Variants in PLTP observed in about 807,000 individuals in gnomAD.
PLTP encodes BPI fold containing family E.
In PLTP, 43 loss-of-function variants were observed where a neutral mutation model predicts 54.1. That is an observed-to-expected ratio of 0.79 (90% confidence interval 0.62 to 1.02). The LOEUF is 1.02. Ranked by LOEUF, PLTP falls within the 50% of genes least tolerant of loss-of-function variation. The probability of loss-of-function intolerance (pLI) is 0.00; values close to 1 mark genes in which losing one functional copy is unlikely to be tolerated. For missense variants in PLTP, 604 were observed against 645.9 expected, an observed-to-expected ratio of 0.94 and a Z score of 0.70; for synonymous variants, 263 against 264.6, an observed-to-expected ratio of 0.99 and a Z score of 0.06.
At chr20:45,899,807 G>GGGGCCCCC in intron 13 of PLTP, 29 bp downstream of exon 13, 24 of 1,369,450 alleles carry the variant, frequency 1.8e-5, no homozygotes, top group Non-Finnish European at 2.2e-5. Flanking sequence ...CACGAACCCA[G>GGGGCCCCC]CCCAGCCCAC....
Position 45,909,659 on chromosome 20 carries a change from G to GC in PLTP, c.341dup (p.Tyr115LeufsTer7), listed in dbSNP as rs771611721. The GC allele has an allele frequency of 6.2e-7, 1 of 1,614,158 alleles. No homozygotes were observed. Among genetic ancestry groups the GC allele is most frequent in the Non-Finnish European group, 8.5e-7 (1 of 1,180,028 alleles). On this transcript the variant is annotated frameshift_variant, in exon 5 of 16. Coordinates refer to ENST00000372431, the MANE Select transcript of PLTP (RefSeq NM_006227.4). LOFTEE classifies it high-confidence loss of function. ...CACCCTCAGCTGAGGCGTTGATGTA[G>GC]CCCCCATCATAGCTGCCAGGGGGGT... is the stretch of plus-strand genomic sequence containing the variant.
Position 45,899,087 on chromosome 20 carries a change from CATTT to C in PLTP, c.1360-28_1360-25del, listed in dbSNP as rs765427202. 57 of 1,613,948 alleles carry C rather than the reference CATTT, an allele frequency of 3.5e-5. No homozygotes were observed. The Admixed American group carries it at 5.2e-4, about 15-fold the overall frequency. ...CCCTGTGTTGGGGAGAGGGGAGCCT[CATTT>C]ATTCATTCAGTTATTGAGGCCAGAG... On this transcript the variant is annotated intron_variant, in intron 15 of 15. Transcript: ENST00000372431.
rs373242157 is a variant in PLTP, at chr20:45,902,499, C to T, written c.1048G>A (p.Val350Ile). ...TCTGGTGGGACCAGGGCAATGGTGA[C>T]GCTAGCAGTGACAGAGATGGTGGTG... is the stretch of plus-strand genomic sequence containing the variant. Reference protein sequence around the residue: ...SGTTISVTASVTIALVPPDQP... With the variant: ...SGTTISVTASITIALVPPDQP... Residue 350 changes from valine to isoleucine, a missense_variant, in exon 11 of 16, where the codon GTC becomes ATC. Coordinates refer to ENST00000372431, the MANE Select transcript of PLTP (RefSeq NM_006227.4). The T allele has an allele frequency of 8.1e-5, 131 of 1,614,078 alleles. No homozygotes were observed. The highest frequency in any genetic ancestry group is 1.2e-4 in the Admixed American group (7 of 60,008).
Position 45,911,146 on chromosome 20 carries a change from AC to A in PLTP, c.200+5del, listed in dbSNP as rs1568778754. 1 of 1,608,124 alleles carries A rather than the reference AC, an allele frequency of 6.2e-7. No homozygotes were observed. Among genetic ancestry groups the A allele is most frequent in the South Asian group, 1.1e-5 (1 of 90,918 alleles). On this transcript the variant is annotated splice_donor_5th_base_variant and intron_variant, in intron 3 of 15. Transcript: ENST00000372431. Reference sequence around the variant, plus strand: ...CCCGGATCGCGAGGCCCCGCCCCCCACTTACTCAGAGATGTTGTAGTAGAAG... The same window carrying A: ...CCCGGATCGCGAGGCCCCGCCCCCCATTACTCAGAGATGTTGTAGTAGAAG...
In PLTP at chr20:45,906,312, T is replaced by C; in HGVS notation, c.661A>G (p.Lys221Glu). The C allele has an allele frequency of 6.2e-7, 1 of 1,614,016 alleles. No homozygotes were observed. The highest frequency in any genetic ancestry group is 1.1e-5 in the South Asian group (1 of 91,066). Residue 221 changes from lysine to glutamate, a missense_variant, in exon 8 of 16, where the codon AAG (lysine) becomes GAG (glutamate). Transcript: ENST00000372431. ...TTGCTGGTGGAAGCCACAGGATCCT[T>C]CATGAGGGAATAGTCAATGCCAACA... ...ELVGIDYSLM[K>E]DPVASTSNLD...
At chr20:45,910,830 G>T (rs1309472160) in intron 3 of PLTP, 2 of 1,246,588 alleles carry the variant, frequency 1.6e-6, no homozygotes, top group Non-Finnish European at 2.0e-6. Context: ...CCCCGTGCCC[G>T]AGACTCCACT....
At chr20:45,906,629 C>T (rs562335369) in intron 7 of PLTP, among the ~76,000 whole-genome samples, 12 of 152,210 alleles carry the variant, frequency 7.9e-5, no homozygotes, top group African/African-American at 2.6e-4. Flanking sequence ...GTGGCTCACA[C>T]CTGTAATCCC....
chr20:45,908,758 C>T (rs543135863), intron 5 of PLTP, among the ~76,000 whole-genome samples: 64 of 151,794 alleles, frequency 4.2e-4, no homozygotes, highest in African/African-American at 1.3e-3. Flanking sequence ...ACCGAGATGG[C>T]GCCACTGCAC....
At position 45,899,488 on chromosome 20, in the gene PLTP, C is replaced by G. The variant is rs1276934560; in HGVS notation, c.1333G>C (p.Val445Leu). ...GCATGGTTCGTCACCACCTCATGCA[C>G]AAAGTTGATGCCCTCAGGTAGTGGG... ...QIPLPEGINFVHEVVTNHAGF... is the reference protein window; with the variant it reads ...QIPLPEGINFLHEVVTNHAGF... The change falls in exon 15 of 16, where the codon GTG (valine) becomes CTG (leucine). Residue 445 changes from valine (V) to leucine (L), a missense_variant. Transcript: ENST00000372431. 8 of 1,614,032 alleles carry G rather than the reference C, an allele frequency of 5.0e-6. No homozygotes were observed. Among genetic ancestry groups the G allele is most frequent in the Non-Finnish European group, 6.8e-6 (8 of 1,180,028 alleles).
chr20:45,904,562 C>T (rs890241003), intron 10 of PLTP, among the ~76,000 whole-genome samples: 1 of 152,248 alleles, frequency 6.6e-6, no homozygotes, highest in Non-Finnish European at 1.5e-5. Flanking sequence ...CTCACACTTG[C>T]AAAGCTTGGG....
chr20:45,903,326 AACAGCTGAGACC>A (rs1241017514), intron 10 of PLTP, among the ~76,000 whole-genome samples: 3 of 152,204 alleles, frequency 2.0e-5, no homozygotes, highest in African/African-American at 7.2e-5. Flanking sequence ...CAGCCTCCTG[AACAGCTGAGACC>A]ACAGGTTCAT....
rs542913442 is a variant in PLTP, at chr20:45,902,455, C to T, written c.1092G>A (p.Leu364=). The T allele has an allele frequency of 6.2e-7, 1 of 1,614,260 alleles. No homozygotes were observed. The highest frequency in any genetic ancestry group is 1.3e-5 in the African/African-American group (1 of 75,082). The change falls in exon 11 of 16, where the codon CTG becomes CTA. Residue 364 remains leucine (L), a synonymous_variant. Coordinates refer to ENST00000372431, the MANE Select transcript of PLTP (RefSeq NM_006227.4). Reference sequence around the variant, plus strand: ...GGACCCGTACCATAGTCATGCTGGACAGCTGGACCTCAGGCTGGTCTGGTG... The same window carrying T: ...GGACCCGTACCATAGTCATGCTGGATAGCTGGACCTCAGGCTGGTCTGGTG... ...LVPPDQPEVQ[L]SSMTMDARLS... is the part of the protein sequence containing the mutation.
chr20:45,909,195 C>T (rs1409091115), intron 5 of PLTP, among the ~76,000 whole-genome samples: 1 of 152,114 alleles, frequency 6.6e-6, no homozygotes, highest in Non-Finnish European at 1.5e-5. Context: ...GATCTGTTAA[C>T]CTTGTGATCC....
Position 45,899,676 on chromosome 20 carries a change from A to T in PLTP, c.1228T>A (p.Leu410Ile), listed in dbSNP as rs773233220. 1 of 1,613,600 alleles carries T rather than the reference A, an allele frequency of 6.2e-7. No individual in the cohort carries two copies. Among genetic ancestry groups the T allele is most frequent in the Non-Finnish European group, 8.5e-7 (1 of 1,179,898 alleles). ...AGCATGGTCTTCAGAGGGGCCTGTA[A>T]TGGGATCAGCTGGGAGGGGCGAGGG... is the stretch of plus-strand genomic sequence containing the variant. ...SALESLALIP[L>I]QAPLKTMLQI... is the part of the protein sequence containing the mutation. Residue 410 changes from leucine to isoleucine, a missense_variant, in exon 14 of 16, where the codon TTA (leucine) becomes ATA (isoleucine). Physicochemically the swap from Leu to Ile is conservative, Grantham distance 5. Transcript: ENST00000372431.
At position 45,909,663 on chromosome 20, in the gene PLTP, C is replaced by T. The variant is rs770236936; in HGVS notation, c.338G>A (p.Gly113Glu). 22 of 1,614,026 alleles carry T rather than the reference C, an allele frequency of 1.4e-5. No homozygotes were observed. The highest frequency in any genetic ancestry group is 1.7e-5 in the Admixed American group (1 of 59,994). ...RQLLYWFFYD[G>E]GYINASAEGV... ...CTCAGCTGAGGCGTTGATGTAGCCCCCATCATAGCTGCCAGGGGGGTTAAT... is the reference window on the plus strand; with the variant it reads ...CTCAGCTGAGGCGTTGATGTAGCCCTCATCATAGCTGCCAGGGGGGTTAAT... Residue 113 changes from glycine (G) to glutamate (E), a missense_variant, in exon 5 of 16, where the codon GGG becomes GAG. Gly to Glu is a moderately conservative substitution (Grantham distance 98, BLOSUM62 -2). Coordinates refer to ENST00000372431, the MANE Select transcript of PLTP (RefSeq NM_006227.4).
At chr20:45,904,649 A>G (rs989634270) in intron 10 of PLTP, 151 bp downstream of exon 10, 10 of 759,656 alleles carry the variant, frequency 1.3e-5, no homozygotes, top group Non-Finnish European at 1.9e-5. Context: ...CGCTTCACAG[A>G]CAGGAACAGC....
chr20:45,902,424 A>C lies in PLTP; in HGVS notation c.1107+16T>G, dbSNP rs193100095. On this transcript the variant is annotated intron_variant, in intron 11 of 15. Coordinates refer to ENST00000372431, the MANE Select transcript of PLTP (RefSeq NM_006227.4). ...CCCTGACCCCCAGCCAGCAGCCCCCACTCTGGGACCCGTACCATAGTCATG... is the reference window on the plus strand; with the variant it reads ...CCCTGACCCCCAGCCAGCAGCCCCCCCTCTGGGACCCGTACCATAGTCATG... 156 of 1,613,960 alleles carry C rather than the reference A, an allele frequency of 9.7e-5. No individual in the cohort carries two copies. Among genetic ancestry groups the C allele is most frequent in the Non-Finnish European group, 1.2e-4 (147 of 1,179,960 alleles).
Position 45,898,706 on chromosome 20 carries a change from GATGC to G in PLTP, c.*231_*234del, listed in dbSNP as rs1407511523. 8 of 656,740 alleles carry G rather than the reference GATGC, an allele frequency of 1.2e-5. No individual in the cohort carries two copies. The highest frequency in any genetic ancestry group is 2.1e-5 in the Non-Finnish European group (8 of 378,800). The allele number at this position is 656,740 out of a possible 1,614,324, so 40.7% of individuals were successfully genotyped here. On this transcript the variant is annotated 3_prime_UTR_variant, in exon 16 of 16. Transcript: ENST00000372431. The surrounding 1 kb of genome is among the most constrained non-coding windows in gnomAD (Gnocchi z 4.6). ...TCTCTGCTTAAAGAATGCCCTTTAT[GATGC>G]ACTGATTCCATCCCAGGAACCCAAC...
chr20:45,908,571 G>A (rs917361938), intron 5 of PLTP, among the ~76,000 whole-genome samples: 11 of 152,090 alleles, frequency 7.2e-5, no homozygotes, highest in Non-Finnish European at 1.5e-4. Context: ...AGGCCGAGGC[G>A]GACAGACCAC....
Sources: allele counts gnomAD v4.1 joint callset (sites outside exome capture counted in the v4.1 genomes callset), GRCh38; gene constraint gnomAD v4.1.1; non-coding constraint Gnocchi (gnomAD v3.1); transcripts MANE v1.5; gene names NCBI Gene and HGNC (gene_info 2026-07-23, HGNC 2026-07-21).